Variants in FAM114A1 observed in about 807,000 individuals in gnomAD.
The protein encoded by FAM114A1 is family with sequence similarity 114 member A1, also known as protein NOXP20.
In FAM114A1, 62 loss-of-function variants were observed where a neutral mutation model predicts 64.3. The ratio of observed to expected loss-of-function variants is 0.96; its 90% confidence interval spans 0.79 to 1.19. The LOEUF (loss-of-function observed/expected upper bound fraction) is 1.19, where lower values mean the gene tolerates loss of function less well. FAM114A1 is among the 50% of genes most tolerant of loss of function. The pLI is 0.00. For missense variants in FAM114A1, 645 were observed against 676.3 expected (o/e 0.95, Z 0.51); for synonymous variants, 254 against 251.1 (o/e 1.01, Z -0.11).
chr4:38,888,722 T>C (rs1179040806), intron 3 of FAM114A1, among the ~76,000 whole-genome samples: 1 of 152,178 alleles, frequency 6.6e-6, no homozygotes, highest in African/African-American at 2.4e-5. Context: ...TTTTTTCCTC[T>C]ATGTATTAGG....
At chr4:38,931,220 C>T (rs1011125755) in intron 10 of FAM114A1, among the ~76,000 whole-genome samples, 7 of 152,128 alleles carry the variant, frequency 4.6e-5, no homozygotes, top group African/African-American at 1.4e-4. Context: ...CTCAGGCTTG[C>T]ATTGTTCTTT....
chr4:38,914,818 CT>C, intron 7 of FAM114A1, 102 bp from the exon 8 acceptor site: 1 of 1,302,294 alleles, frequency 7.7e-7, no homozygotes, highest in Non-Finnish European at 1.0e-6. Context: ...GAATCTCCCC[CT>C]CTCCAACACA....
chr4:38,903,010 ATATT>A (rs1717657254), intron 4 of FAM114A1, among the ~76,000 whole-genome samples: 1 of 152,110 alleles, frequency 6.6e-6, no homozygotes, highest in East Asian at 1.9e-4. Flanking sequence ...GCTGAACTTT[ATATT>A]TATTTTTTGT....
chr4:38,944,772 C>T lies in FAM114A1; in HGVS notation c.*1215C>T, dbSNP rs1721840472. 6.6e-6 allele frequency: 1 copy of T among 152,064 alleles called. No homozygotes were observed. Among genetic ancestry groups the T allele is most frequent in the Admixed American group, 6.5e-5 (1 of 15,272 alleles). The allele number at this position is 152,064 out of a possible 1,614,324, so 9.4% of individuals were successfully genotyped here. Reference sequence around the variant, plus strand: ...AATCTAATGCCTGATGAATCTAATGCCTCATGATCTGAGGTTGAATAGCTT... The same window carrying T: ...AATCTAATGCCTGATGAATCTAATGTCTCATGATCTGAGGTTGAATAGCTT... On this transcript the variant is annotated 3_prime_UTR_variant, in exon 15 of 15. Coordinates refer to ENST00000358869, the MANE Select transcript of FAM114A1 (RefSeq NM_138389.4).
At chr4:38,899,371 A>C (rs1200171100) in intron 4 of FAM114A1, among the ~76,000 whole-genome samples, 2 of 152,084 alleles carry the variant, frequency 1.3e-5, no homozygotes, top group Non-Finnish European at 2.9e-5. Context: ...TCCCTCATTG[A>C]CCAGTCACTA....
rs140570645 is a variant in FAM114A1 at position 38,873,912 on chromosome 4, C to T, written c.-8-4159C>T. On this transcript the variant is annotated intron_variant, in intron 2 of 14. Transcript: ENST00000358869. Reference sequence around the variant, plus strand: ...AGCAGGAGAGCCATGTAATTAGAGCCGTGAGGTGAAGGATGGGAAGTAAGG... The same window carrying T: ...AGCAGGAGAGCCATGTAATTAGAGCTGTGAGGTGAAGGATGGGAAGTAAGG... Among the ~76,000 whole-genome samples, 1,503 of 152,078 alleles carry T rather than the reference C, an allele frequency of 9.9e-3. 24 individuals carry two copies. Among genetic ancestry groups the T allele is most frequent in the African/African-American group, 0.033 (1,382 of 41,460 alleles).
chr4:38,885,309 T>C (rs1412917215), intron 3 of FAM114A1, among the ~76,000 whole-genome samples: 1 of 151,192 alleles, frequency 6.6e-6, no homozygotes, highest in Admixed American at 6.6e-5. Flanking sequence ...TCTCTCTCTC[T>C]CTGTTGCCCA....
chr4:38,932,122 G>A (rs1053329609), intron 11 of FAM114A1, 113 bp from the exon 12 acceptor site: 9 of 1,178,598 alleles, frequency 7.6e-6, no homozygotes, highest in East Asian at 5.0e-5. Flanking sequence ...TAACTATTTC[G>A]GGTTATATTT....
At chr4:38,931,804 A>C (rs1345832632) in intron 11 of FAM114A1, among the ~76,000 whole-genome samples, 192 bp downstream of exon 11, 1 of 152,196 alleles carries the variant, frequency 6.6e-6, no homozygotes, top group Admixed American at 6.5e-5. Context: ...TAATAATAAT[A>C]ATTAGCAGGG....
In FAM114A1 at chr4:38,882,013, A is replaced by G. The variant is rs1164215663; in HGVS notation, c.348+3587A>G. 8.5e-5 allele frequency among the ~76,000 whole-genome samples: 13 copies of G among 152,330 alleles called. No individual in the cohort carries two copies. In the East Asian group the frequency reaches 2.5e-3, roughly 29 times the overall value. On this transcript the variant is annotated intron_variant, in intron 3 of 14. Transcript: ENST00000358869. ...CCTGATAAATTCTCATCAGCCCTTT[A>G]AAAAAGTTTCTGACCAGGGCCGGGC...
At chr4:38,920,442 T>C (rs1046070874) in intron 8 of FAM114A1, among the ~76,000 whole-genome samples, 2 of 152,172 alleles carry the variant, frequency 1.3e-5, no homozygotes, top group Non-Finnish European at 2.9e-5. Context: ...TATTATTGGA[T>C]TGAACTAAAG....
chr4:38,931,506 A>T lies in FAM114A1; in HGVS notation c.1217A>T (p.Asp406Val). The T allele has an allele frequency of 6.2e-7, 1 of 1,614,174 alleles. No homozygotes were observed. Among genetic ancestry groups the T allele is most frequent in the Non-Finnish European group, 8.5e-7 (1 of 1,180,022 alleles). Residue 406 changes from aspartate to valine, a missense_variant, in exon 11 of 15, where the codon GAT (aspartate) becomes GTT (valine). Transcript: ENST00000358869. ...GAGGATCAAACCGTGGTGTCAGTAG[A>T]TGTGGCAAAAGTGTCCGAAGAAGAA... Reference protein sequence around the residue: ...VEEDQTVVSVDVAKVSEEETK... With the variant: ...VEEDQTVVSVVVAKVSEEETK...
chr4:38,921,344 A>G (rs1034855555), intron 8 of FAM114A1, among the ~76,000 whole-genome samples: 8 of 152,222 alleles, frequency 5.3e-5, no homozygotes, highest in Admixed American at 2.6e-4. Flanking sequence ...TGCAGCCTCA[A>G]ACTCCTGGGC....
chr4:38,880,442 G>C (rs1055973594), intron 3 of FAM114A1, among the ~76,000 whole-genome samples: 3 of 152,102 alleles, frequency 2.0e-5, no homozygotes, highest in African/African-American at 7.2e-5. Context: ...TTGGCTACTA[G>C]GACACTTTTT....
intron 2 of FAM114A1, among the ~76,000 whole-genome samples, chr4:38,874,232 C>T (rs984322788): frequency 6.6e-6 from 1 of 152,180 alleles, no homozygotes; most frequent in African/African-American, 2.4e-5. Context: ...TGATAACATT[C>T]AACTCACAGG....
chr4:38,926,025 G>A (rs1560325418), intron 9 of FAM114A1, among the ~76,000 whole-genome samples: 2 of 152,174 alleles, frequency 1.3e-5, no homozygotes, highest in South Asian at 4.1e-4. Flanking sequence ...TATCAGTGTA[G>A]CACATAATTT....
chr4:38,933,099 G>A (rs1465417485), intron 12 of FAM114A1, among the ~76,000 whole-genome samples: 1 of 152,070 alleles, frequency 6.6e-6, no homozygotes, highest in Non-Finnish European at 1.5e-5. Context: ...TGATCTGCCT[G>A]CCTCGGCCTC....
At chr4:38,887,994 C>T (rs1715982022) in intron 3 of FAM114A1, among the ~76,000 whole-genome samples, 2 of 152,152 alleles carry the variant, frequency 1.3e-5, no homozygotes, top group South Asian at 2.1e-4. Context: ...GCACCTGATT[C>T]TTGATCTGCT....
chr4:38,897,452 GA>G (rs1413013999), intron 4 of FAM114A1, among the ~76,000 whole-genome samples: 1 of 152,052 alleles, frequency 6.6e-6, no homozygotes. Flanking sequence ...GAGGTTAAGG[GA>G]AAATGAGAAA....
Sources: gnomAD v4.1 joint callset for allele counts (sites outside exome capture counted in the v4.1 genomes callset) on GRCh38, gnomAD v4.1.1 for gene constraint, MANE v1.5 for transcripts, NCBI Gene and HGNC (gene_info 2026-07-23, HGNC 2026-07-21) for gene names.